The following ZSWIM7 variants were observed in gnomAD, a reference collection of about 807,000 sequenced individuals.
ZSWIM7 encodes the protein zinc finger SWIM domain-containing protein 7.
In ZSWIM7, 22 loss-of-function variants were observed where a neutral mutation model predicts 21.1. The observed-to-expected ratio is 1.04, with a 90% CI of 0.74 to 1.49. The LOEUF (loss-of-function observed/expected upper bound fraction) is 1.49, where lower values mean the gene tolerates loss of function less well. Among genes scored for constraint, ZSWIM7 ranks in the 40% most tolerant of loss-of-function variants. The pLI is 0.00. For synonymous variants in ZSWIM7, 67 were observed against 66.5 expected, an observed-to-expected ratio of 1.01 and a Z score of -0.04; for missense variants, 193 against 168.0, an observed-to-expected ratio of 1.15 and a Z score of -0.82.
At chr17:15,996,868 T>A (rs1360486697) in intron 1 of ZSWIM7, among the ~76,000 whole-genome samples, 2 of 145,380 alleles carry the variant, frequency 1.4e-5, no homozygotes, top group Non-Finnish European at 1.5e-5. Context: ...AAAAAAAAAA[T>A]TTTACATGGG....
chr17:15,993,721 TA>T lies in ZSWIM7; in HGVS notation c.98+35del, dbSNP rs772594762. 436 of 1,385,070 alleles carry T rather than the reference TA, an allele frequency of 3.1e-4. 1 individual carries two copies. The highest frequency in any genetic ancestry group is 1.1e-3 in the African/African-American group (73 of 68,298). 85.8% of individuals were successfully genotyped at this position (1,385,070 alleles called of 1,614,324 possible). On this transcript the variant is annotated intron_variant, in intron 2 of 4. Coordinates refer to ENST00000399277, the MANE Select transcript of ZSWIM7 (RefSeq NM_001042697.2). Reference sequence around the variant, plus strand: ...TTGAAAGGATTTTAACATTAATGGTTAAAAAAAAATCAAATACAACAGTATA... The same window carrying T: ...TTGAAAGGATTTTAACATTAATGGTTAAAAAAAATCAAATACAACAGTATA...
intron 1 of ZSWIM7, among the ~76,000 whole-genome samples, chr17:15,998,390 T>G (rs534073370): frequency 1.1e-4 from 17 of 152,328 alleles, no homozygotes; most frequent in African/African-American, 3.6e-4. Context: ...TTTTTCTCAG[T>G]TCCTTAAAAA....
intron 3 of ZSWIM7, chr17:15,986,992 T>C: frequency 4.0e-6 from 1 of 247,510 alleles, no homozygotes; most frequent in Non-Finnish European, 7.7e-6. Context: ...GTATATAAGG[T>C]ATTAGATATG....
At chr17:15,985,865 T>C (rs1970403526) in intron 3 of ZSWIM7, among the ~76,000 whole-genome samples, 1 of 152,096 alleles carries the variant, frequency 6.6e-6, no homozygotes, top group African/African-American at 2.4e-5. Context: ...TTTCGGGTAT[T>C]TTAGCTACCT....
chr17:15,999,435 C>T, intron 1 of ZSWIM7, 84 bp downstream of exon 1: 1 of 1,533,460 alleles, frequency 6.5e-7, no homozygotes, highest in Non-Finnish European at 8.8e-7. Context: ...GCCCGGACAC[C>T]CCGCCTCCTG....
intron 2 of ZSWIM7, among the ~76,000 whole-genome samples, chr17:15,987,889 T>A (rs1407146921): frequency 6.6e-6 from 1 of 152,042 alleles, no homozygotes; most frequent in Non-Finnish European, 1.5e-5. Context: ...GGATTACAGG[T>A]GTGAGCCACT....
At chr17:15,989,676 G>A (rs1013979738) in intron 2 of ZSWIM7, among the ~76,000 whole-genome samples, 11 of 152,002 alleles carry the variant, frequency 7.2e-5, no homozygotes, top group Admixed American at 2.0e-4. Flanking sequence ...ACCCAGGCAG[G>A]CTGGATTCCA....
rs56818222 is a variant in ZSWIM7, at chr17:15,977,708, G to GA, written c.*338dup. 82,957 of 153,392 alleles carry GA rather than the reference G, an allele frequency of 0.54. 22,167 individuals are homozygous for GA. Among genetic ancestry groups the GA allele is most frequent in the Middle Eastern group, 0.62 (183 of 294 alleles). The allele number at this position is 153,392 out of a possible 1,614,324, so 9.5% of individuals were successfully genotyped here. ...GACAAAGTGAGACTCCATCTCAAAA[G>GA]AAAAAAAAAAAGACTAAATAATGTG... On this transcript the variant is annotated 3_prime_UTR_variant, in exon 5 of 5. Transcript: ENST00000399277.
chr17:15,990,659 TA>T (rs1970470831), intron 2 of ZSWIM7, among the ~76,000 whole-genome samples: 1 of 152,192 alleles, frequency 6.6e-6, no homozygotes, highest in Non-Finnish European at 1.5e-5. Flanking sequence ...ACAAACCTAG[TA>T]AGGCTTCAAA....
intron 1 of ZSWIM7, among the ~76,000 whole-genome samples, chr17:15,995,394 A>G (rs992095592): frequency 4.6e-5 from 7 of 151,860 alleles, no homozygotes; most frequent in Non-Finnish European, 5.9e-5. Context: ...CAGCCTACAG[A>G]GTAGCTGGGA....
In ZSWIM7 at chr17:15,987,522, T is replaced by G. The variant is rs577715137; in HGVS notation, c.99-154A>C. Among the ~76,000 whole-genome samples the G allele has an allele frequency of 3.3e-5, 5 of 152,266 alleles. No homozygotes were observed. The South Asian group carries it at 1.0e-3, about 32-fold the overall frequency. On this transcript the variant is annotated intron_variant, in intron 2 of 4. Transcript: ENST00000399277. ...CAGCAAAACCCATGGACCCATTCAC[T>G]CCCCAGAATTAATGTTAATATCTTG...
In ZSWIM7 at chr17:15,979,800, C is replaced by A. The variant is rs1444102265; in HGVS notation, c.306+1240G>T. ...GCGGCTGGCCGGGCGGGGGGCTGACCCCCCCACCTCCCTCCCGGACGGGGG... is the reference window on the plus strand; with the variant it reads ...GCGGCTGGCCGGGCGGGGGGCTGACACCCCCACCTCCCTCCCGGACGGGGG... On this transcript the variant is annotated intron_variant, in intron 4 of 4. Coordinates refer to ENST00000399277, the MANE Select transcript of ZSWIM7 (RefSeq NM_001042697.2). Among the ~76,000 whole-genome samples, 7 of 118,438 alleles carry A rather than the reference C, an allele frequency of 5.9e-5. 1 individual carries two copies. Among genetic ancestry groups the A allele is most frequent in the African/African-American group, 2.0e-4 (6 of 29,688 alleles). 77.7% of individuals were successfully genotyped at this position (118,438 alleles called of 152,430 possible).
intron 2 of ZSWIM7, among the ~76,000 whole-genome samples, chr17:15,992,660 T>C (rs1482441218): frequency 2.0e-5 from 3 of 151,376 alleles, no homozygotes; most frequent in African/African-American, 7.3e-5. Flanking sequence ...GCTGGTCTTG[T>C]ATTCCTGACC....
intron 1 of ZSWIM7, among the ~76,000 whole-genome samples, chr17:15,997,879 T>C (rs990258590): frequency 6.6e-6 from 1 of 152,136 alleles, no homozygotes; most frequent in African/African-American, 2.4e-5. Context: ...GAGGTGTCCG[T>C]ATCACAAGGT....
intron 3 of ZSWIM7, among the ~76,000 whole-genome samples, chr17:15,985,558 A>C (rs1970399550): frequency 6.6e-6 from 1 of 152,206 alleles, no homozygotes; most frequent in Admixed American, 6.5e-5. Flanking sequence ...GGTTAATTTG[A>C]GGGTGTATAA....
At chr17:15,985,377 C>T (rs1970397496) in intron 3 of ZSWIM7, among the ~76,000 whole-genome samples, 1 of 151,558 alleles carries the variant, frequency 6.6e-6, no homozygotes, top group Admixed American at 6.6e-5. Context: ...AATTATTTCA[C>T]ATTACATCTG....
intron 1 of ZSWIM7, among the ~76,000 whole-genome samples, chr17:15,997,567 T>G (rs151016985): frequency 0.012 from 1,845 of 152,316 alleles, 15 homozygotes; most frequent in Non-Finnish European, 0.02. Flanking sequence ...TATATCATCA[T>G]ACAAATAAAA....
intron 3 of ZSWIM7, among the ~76,000 whole-genome samples, chr17:15,984,666 C>G (rs537423728): frequency 6.6e-6 from 1 of 152,340 alleles, no homozygotes; most frequent in African/African-American, 2.4e-5. Flanking sequence ...GTGCTTCTCT[C>G]TGAAAACAGG....
intron 4 of ZSWIM7, among the ~76,000 whole-genome samples, chr17:15,979,397 C>CA (rs1970318707): frequency 6.6e-6 from 1 of 152,254 alleles, no homozygotes; most frequent in South Asian, 2.1e-4. Flanking sequence ...TCTTTCCACA[C>CA]AGACACAGCA....
Sources: allele counts gnomAD v4.1 joint callset (sites outside exome capture counted in the v4.1 genomes callset), GRCh38; gene constraint gnomAD v4.1.1; transcripts MANE v1.5; gene names NCBI Gene and HGNC (gene_info 2026-07-23, HGNC 2026-07-21).